Variants in WWOX observed in about 807,000 individuals in gnomAD.
WWOX encodes the protein WW domain containing oxidoreductase.
In WWOX, 69 loss-of-function variants were observed where a neutral mutation model predicts 46.2. The ratio of observed to expected loss-of-function variants is 1.49; its 90% CI spans 1.23 to 1.82. The LOEUF (loss-of-function observed/expected upper bound fraction) is 1.82, where lower values mean the gene tolerates loss of function less well. Among genes scored for constraint, WWOX ranks in the 40% most tolerant of loss-of-function variants. WWOX has a pLI of 0.00. For missense variants in WWOX, 919 were observed against 542.6 expected, an observed-to-expected ratio of 1.69 and a Z score of -6.89; for synonymous variants, 359 against 202.6, an observed-to-expected ratio of 1.77 and a Z score of -6.56.
At chr16:78,511,977 C>T (rs972548750) in intron 8 of WWOX, among the ~76,000 whole-genome samples, 11 of 152,312 alleles carry the variant, frequency 7.2e-5, no homozygotes, top group African/African-American at 2.6e-4. Context: ...CTCATAGATC[C>T]ACTTTACATA....
intron 8 of WWOX, among the ~76,000 whole-genome samples, chr16:78,702,141 A>C (rs2048238337): frequency 3.2e-5 from 4 of 124,234 alleles, no homozygotes; most frequent in South Asian, 2.3e-4. Context: ...TTTTCAAGAC[A>C]TGGTGGCATG....
chr16:78,555,003 C>A (rs527399634), intron 8 of WWOX, among the ~76,000 whole-genome samples: 4 of 152,134 alleles, frequency 2.6e-5, no homozygotes, highest in African/African-American at 9.7e-5. Context: ...CCAGCAGGGC[C>A]TGGCAGACAA....
At chr16:78,989,239 T>G (rs2046837628) in intron 8 of WWOX, among the ~76,000 whole-genome samples, 1 of 152,180 alleles carries the variant, frequency 6.6e-6, no homozygotes, top group Non-Finnish European at 1.5e-5. Flanking sequence ...TCTTTCCTCT[T>G]CGGGTGGTTC....
At chr16:78,221,361 G>A (rs1158688939) in intron 5 of WWOX, among the ~76,000 whole-genome samples, 2 of 152,146 alleles carry the variant, frequency 1.3e-5, no homozygotes, top group African/African-American at 4.8e-5. Context: ...AGGAAAAAGT[G>A]TAATATAAAT....
intron 8 of WWOX, among the ~76,000 whole-genome samples, chr16:78,947,853 A>G (rs2045979520): frequency 6.6e-6 from 1 of 152,234 alleles, no homozygotes; most frequent in South Asian, 2.1e-4. Context: ...AAAATATCCC[A>G]GAGTGGCTTG....
intron 8 of WWOX, among the ~76,000 whole-genome samples, chr16:78,870,004 T>G (rs1001206172): frequency 1.3e-5 from 2 of 152,212 alleles, no homozygotes; most frequent in African/African-American, 4.8e-5. Context: ...TCAAAGTCTC[T>G]CCACTGATCT....
intron 8 of WWOX, among the ~76,000 whole-genome samples, chr16:79,191,036 C>A (rs1304379284): frequency 6.6e-6 from 1 of 151,886 alleles, no homozygotes; most frequent in Non-Finnish European, 1.5e-5. Flanking sequence ...AGCATGACTT[C>A]TTTTTTTTGT....
intron 8 of WWOX, among the ~76,000 whole-genome samples, chr16:78,769,677 T>A (rs1342680688): frequency 6.6e-6 from 1 of 151,356 alleles, no homozygotes; most frequent in African/African-American, 2.4e-5. Flanking sequence ...TTAAGAATTA[T>A]TAGCTACAAC....
intron 8 of WWOX, among the ~76,000 whole-genome samples, chr16:79,045,441 A>T (rs982109710): frequency 6.6e-6 from 1 of 152,148 alleles, no homozygotes; most frequent in African/African-American, 2.4e-5. Flanking sequence ...GTGAGAGGAT[A>T]CTCTCAGGAA....
At chr16:78,634,192 A>G (rs977392805) in intron 8 of WWOX, among the ~76,000 whole-genome samples, 2 of 152,224 alleles carry the variant, frequency 1.3e-5, no homozygotes, top group Non-Finnish European at 2.9e-5. Flanking sequence ...GTGTCTAAAT[A>G]CAAATGTCCA....
chr16:78,508,340 T>TTTA (rs1234843741), intron 8 of WWOX, among the ~76,000 whole-genome samples: 3 of 121,816 alleles, frequency 2.5e-5, no homozygotes, highest in African/African-American at 9.0e-5. Flanking sequence ...TTTTTTTTTT[T>TTTA]AACGCTCATC....
At chr16:79,028,104 C>T (rs555046351) in intron 8 of WWOX, among the ~76,000 whole-genome samples, 6 of 151,840 alleles carry the variant, frequency 4.0e-5, no homozygotes, top group Non-Finnish European at 7.4e-5. Context: ...GCACCTGCCA[C>T]GACGCCTGGC....
intron 5 of WWOX, among the ~76,000 whole-genome samples, chr16:78,349,111 C>A (rs1323797350): frequency 8.3e-6 from 1 of 120,218 alleles, no homozygotes; most frequent in Non-Finnish European, 2.0e-5. Flanking sequence ...CAGTTGATGT[C>A]TTCTGAGGTC....
At chr16:78,565,285 G>A (rs1158645824) in intron 8 of WWOX, among the ~76,000 whole-genome samples, 1 of 152,152 alleles carries the variant, frequency 6.6e-6, no homozygotes, top group African/African-American at 2.4e-5. Context: ...GCAGTTCTGG[G>A]GAGTCACAAG....
intron 8 of WWOX, among the ~76,000 whole-genome samples, chr16:78,495,411 G>T (rs1368351069): frequency 6.6e-6 from 1 of 151,738 alleles, no homozygotes; most frequent in South Asian, 2.1e-4. Context: ...AAAGTGCTGG[G>T]ATTACAGGCG....
rs550586843 is a variant in WWOX, at chr16:78,393,871, C to T, written c.605+6923C>T. Among the ~76,000 whole-genome samples the T allele has an allele frequency of 1.7e-3, 254 of 151,780 alleles. 3 individuals are homozygous for T. The highest frequency in any genetic ancestry group is 2.9e-3 in the Non-Finnish European group (197 of 67,958). The stretch of plus-strand genomic sequence containing the variant: ...TTAATTAAAAAAAAGGTTAAAATAA[C>T]GGTTTTGTATCCTTGCTTTACTTCT... On this transcript the variant is annotated intron_variant, in intron 6 of 8. Coordinates refer to ENST00000566780, the MANE Select transcript of WWOX (RefSeq NM_016373.4).
chr16:78,736,817 C>T (rs922986902), intron 8 of WWOX, among the ~76,000 whole-genome samples: 2 of 152,104 alleles, frequency 1.3e-5, no homozygotes, highest in African/African-American at 4.8e-5. Context: ...CCGTCTTGCC[C>T]TGGCTGGTCT....
At chr16:79,056,334 C>T (rs776297576) in intron 8 of WWOX, among the ~76,000 whole-genome samples, 1 of 152,102 alleles carries the variant, frequency 6.6e-6, no homozygotes, top group Non-Finnish European at 1.5e-5. Flanking sequence ...ACAATTTGTA[C>T]ATTCTTTGAA....
chr16:78,742,169 A>T (rs969456149), intron 8 of WWOX, among the ~76,000 whole-genome samples: 2 of 152,200 alleles, frequency 1.3e-5, no homozygotes, highest in African/African-American at 4.8e-5. Flanking sequence ...TTACATGTAG[A>T]TTGTACATCG....
Sources: gnomAD v4.1 joint callset for allele counts (sites outside exome capture counted in the v4.1 genomes callset) on GRCh38, gnomAD v4.1.1 for gene constraint, MANE v1.5 for transcripts, NCBI Gene and HGNC (gene_info 2026-07-23, HGNC 2026-07-21) for gene names.